Variants in ENTPD6 observed in about 807,000 individuals in gnomAD.
ENTPD6 encodes the protein CD39 antigen-like 2.
ENTPD6 carries 46 observed loss-of-function variants against 61.5 expected under a neutral mutation model. The observed-to-expected ratio is 0.75, with a 90% CI of 0.59 to 0.96. The LOEUF is 0.96. ENTPD6 is among the 40% of genes least tolerant of loss of function. The probability of loss-of-function intolerance (pLI) is 0.00; values close to 1 mark genes in which losing one functional copy is unlikely to be tolerated. For missense variants in ENTPD6, 612 were observed against 629.0 expected (o/e 0.97, Z 0.29); for synonymous variants, 252 against 255.5 (o/e 0.99, Z 0.13).
At chr20:25,196,062 G>A in intron 1 of ENTPD6, 195 bp downstream of exon 1, 1 of 919,702 alleles carries the variant, frequency 1.1e-6, no homozygotes, top group African/African-American at 1.7e-5. Context: ...ACCGGTGGGG[G>A]GCAAGTCCAG....
chr20:25,215,561 G>A, intron 6 of ENTPD6, 115 bp from the exon 7 acceptor site: 1 of 1,012,110 alleles, frequency 9.9e-7, no homozygotes, highest in Non-Finnish European at 1.6e-6. Flanking sequence ...TGGGTGTAGT[G>A]CGGAAGTGAT....
chr20:25,219,361 G>A (rs2092524447), intron 10 of ENTPD6, among the ~76,000 whole-genome samples: 1 of 152,224 alleles, frequency 6.6e-6, no homozygotes, highest in African/African-American at 2.4e-5. Context: ...TTGCCGTCAG[G>A]GAAAGGTTTT....
intron 10 of ENTPD6, among the ~76,000 whole-genome samples, chr20:25,220,175 G>A (rs565309678): frequency 3.3e-5 from 5 of 152,146 alleles, no homozygotes; most frequent in South Asian, 2.1e-4. Context: ...CGGTTATTGC[G>A]TAACAGACCC....
chr20:25,198,241 C>T (rs1482968489), intron 1 of ENTPD6, among the ~76,000 whole-genome samples: 5 of 151,992 alleles, frequency 3.3e-5, no homozygotes, highest in Admixed American at 2.0e-4. Context: ...TTTGGGAGGC[C>T]GAGGTGGGCA....
chr20:25,221,289 G>A lies in ENTPD6; in HGVS notation c.1001G>A (p.Trp334Ter), dbSNP rs2092622236. The A allele has an allele frequency of 6.2e-7, 1 of 1,614,170 alleles. No individual in the cohort carries two copies. Among genetic ancestry groups the A allele is most frequent in the Non-Finnish European group, 8.5e-7 (1 of 1,180,014 alleles). The change falls in exon 11 of 15, where the codon TGG becomes TAG. Residue 334 changes from tryptophan (W) to a stop codon, truncating the protein, a stop_gained. Coordinates refer to ENST00000376652, the MANE Select transcript of ENTPD6 (RefSeq NM_001247.5). LOFTEE classifies it high-confidence loss of function. ...PCLSPSFKGEWEHAEVTYRVS... is the reference protein window; with the variant it reads ...PCLSPSFKGE Reference sequence around the variant, plus strand: ...TTGTCTCCCAGTTTCAAAGGAGAGTGGGAACACGCAGAAGTCACGTACAGG... The same window carrying A: ...TTGTCTCCCAGTTTCAAAGGAGAGTAGGAACACGCAGAAGTCACGTACAGG...
chr20:25,214,996 G>GA (rs887724111), intron 6 of ENTPD6, 54 bp downstream of exon 6: 2 of 1,213,408 alleles, frequency 1.6e-6, no homozygotes, highest in African/African-American at 3.0e-5. Context: ...AGGTGGGTGG[G>GA]AGCAATCCTG....
At chr20:25,217,392 T>C in intron 8 of ENTPD6, 110 bp from the exon 9 acceptor site, 1 of 1,012,228 alleles carries the variant, frequency 9.9e-7, no homozygotes, top group Non-Finnish European at 1.5e-6. Context: ...GAACAGCTCA[T>C]TTAATTGGCT....
chr20:25,210,127 C>G (rs552938325), intron 4 of ENTPD6, among the ~76,000 whole-genome samples: 1 of 152,230 alleles, frequency 6.6e-6, no homozygotes, highest in Non-Finnish European at 1.5e-5. Context: ...CCACCCGGCC[C>G]CATCCTCTGA....
intron 1 of ENTPD6, chr20:25,197,336 C>G: frequency 1.8e-5 from 14 of 794,354 alleles, no homozygotes; most frequent in Non-Finnish European, 2.0e-5. Flanking sequence ...CCTCCACCTG[C>G]TGGAGGGTGG....
chr20:25,217,886 TCTCCTC>T (rs1280211014), intron 9 of ENTPD6, among the ~76,000 whole-genome samples: 1 of 130,008 alleles, frequency 7.7e-6, no homozygotes, highest in African/African-American at 3.0e-5. Context: ...CAGACCTCTC[TCTCCTC>T]CTCCTCCTCC....
intron 9 of ENTPD6, 128 bp downstream of exon 9, chr20:25,217,709 CCTCT>C: frequency 5.3e-6 from 4 of 759,934 alleles, no homozygotes; most frequent in Non-Finnish European, 9.0e-6. Flanking sequence ...TCCACCCAGA[CCTCT>C]CTCTCCTCCT....
chr20:25,216,503 T>C (rs2092320331), intron 7 of ENTPD6, 145 bp from the exon 8 acceptor site: 4 of 626,196 alleles, frequency 6.4e-6, no homozygotes, highest in Non-Finnish European at 1.1e-5. Flanking sequence ...AGATATATAG[T>C]GTACCCTTAA....
chr20:25,204,965 TG>T (rs1457013343), intron 1 of ENTPD6, among the ~76,000 whole-genome samples: 1 of 152,182 alleles, frequency 6.6e-6, no homozygotes, highest in African/African-American at 2.4e-5. Flanking sequence ...TGTTTCTCTG[TG>T]GGGGAACAAG....
At chr20:25,200,321 A>G (rs906971724) in intron 1 of ENTPD6, among the ~76,000 whole-genome samples, 2 of 151,968 alleles carry the variant, frequency 1.3e-5, no homozygotes, top group Non-Finnish European at 2.9e-5. Context: ...TCTAATTATT[A>G]ACCCCTTTCA....
In ENTPD6 at chr20:25,222,854, G is replaced by T; in HGVS notation, c.1062G>T (p.Glu354Asp). ...SGQKAAASLH[E>D]LCAARVSEVL... ...TGTCCCCAGCGGCAAGCCTGCACGA[G>T]CTGTGTGCTGCCAGAGTGTCAGAGG... Residue 354 changes from glutamate to aspartate, a missense_variant, in exon 12 of 15, where the codon GAG (glutamate) becomes GAT (aspartate). Glu to Asp is a conservative substitution (Grantham distance 45). Coordinates refer to ENST00000376652, the MANE Select transcript of ENTPD6 (RefSeq NM_001247.5). 6.2e-7 allele frequency: 1 copy of T among 1,614,026 alleles called. No homozygotes were observed. The highest frequency in any genetic ancestry group is 8.5e-7 in the Non-Finnish European group (1 of 1,180,012).
chr20:25,221,792 T>G, intron 11 of ENTPD6: 2 of 259,108 alleles, frequency 7.7e-6, no homozygotes, highest in Non-Finnish European at 1.5e-5. Flanking sequence ...CTGAGAGAAA[T>G]GTTCAAACGC....
chr20:25,206,157 C>T (rs972679914), intron 1 of ENTPD6, among the ~76,000 whole-genome samples: 15 of 152,240 alleles, frequency 9.9e-5, no homozygotes, highest in Non-Finnish European at 1.9e-4. Flanking sequence ...CCTTGAGGGG[C>T]ATGTTGCCCA....
At chr20:25,203,664 T>G (rs553543295) in intron 1 of ENTPD6, among the ~76,000 whole-genome samples, 31 of 152,342 alleles carry the variant, frequency 2.0e-4, no homozygotes, top group Admixed American at 1.6e-3. Context: ...CTTTATCTGT[T>G]TTCCTTCAGC....
At chr20:25,195,955 G>A in intron 1 of ENTPD6, 88 bp downstream of exon 1, 1 of 1,104,990 alleles carries the variant, frequency 9.0e-7, no homozygotes, top group Non-Finnish European at 1.1e-6. Flanking sequence ...CTGCGCTCCG[G>A]AGGACGGCCT....
Sources: allele counts gnomAD v4.1 joint callset (sites outside exome capture counted in the v4.1 genomes callset), GRCh38; gene constraint gnomAD v4.1.1; transcripts MANE v1.5; gene names NCBI Gene and HGNC (gene_info 2026-07-23, HGNC 2026-07-21).